PLPPR5: variants seen among roughly 807,000 people sequenced by gnomAD.
The protein encoded by PLPPR5 is phospholipid phosphatase-related protein type 5.
PLPPR5 carries 16 observed loss-of-function variants against 33.9 expected under a neutral mutation model. The observed-to-expected ratio is 0.47, with a 90% CI of 0.32 to 0.72. The LOEUF (loss-of-function observed/expected upper bound fraction) is 0.72. Among genes scored for constraint, PLPPR5 ranks in the 30% least tolerant of loss-of-function variants. PLPPR5 has a pLI of 0.03. For missense variants in PLPPR5, 301 were observed against 406.7 expected (o/e 0.74, Z 2.23); for synonymous variants, 163 against 150.3 (o/e 1.08, Z -0.62).
At chr1:98,999,523 G>A (rs1374558272) in intron 1 of PLPPR5, among the ~76,000 whole-genome samples, 2 of 152,178 alleles carry the variant, frequency 1.3e-5, no homozygotes, top group Non-Finnish European at 2.9e-5. Context: ...CATTTTGACT[G>A]AGGTTACATG....
At chr1:98,954,125 T>C (rs1349078531) in intron 2 of PLPPR5, among the ~76,000 whole-genome samples, 3 of 151,762 alleles carry the variant, frequency 2.0e-5, no homozygotes, top group Non-Finnish European at 4.4e-5. Context: ...GCTAAGGAAC[T>C]TGCCAATTTA....
intron 3 of PLPPR5, among the ~76,000 whole-genome samples, chr1:98,925,195 C>T (rs1649709111): frequency 6.6e-6 from 1 of 152,112 alleles, no homozygotes; most frequent in Non-Finnish European, 1.5e-5. Context: ...ATTATTTATG[C>T]TCTCTTGGTT....
chr1:98,951,539 G>T (rs777077594), intron 3 of PLPPR5, among the ~76,000 whole-genome samples: 4 of 152,090 alleles, frequency 2.6e-5, no homozygotes, highest in Non-Finnish European at 5.9e-5. Flanking sequence ...TTTCTGGATG[G>T]GATTTTTAAA....
At chr1:98,958,747 A>T (rs1241263355) in intron 1 of PLPPR5, among the ~76,000 whole-genome samples, 1 of 152,092 alleles carries the variant, frequency 6.6e-6, no homozygotes, top group African/African-American at 2.4e-5. Context: ...CTTGAAAGAG[A>T]TTACCATGAT....
chr1:98,898,840 C>T (rs1386163899), intron 5 of PLPPR5, among the ~76,000 whole-genome samples: 2 of 151,736 alleles, frequency 1.3e-5, no homozygotes, highest in African/African-American at 4.8e-5. Context: ...AGAAGTTTCC[C>T]TTTTTTTTAC....
chr1:98,919,859 A>C (rs1156360923), intron 4 of PLPPR5, among the ~76,000 whole-genome samples: 1 of 152,212 alleles, frequency 6.6e-6, no homozygotes, highest in Non-Finnish European at 1.5e-5. Flanking sequence ...TTCGCTGAAC[A>C]TGCACTATTT....
intron 1 of PLPPR5, among the ~76,000 whole-genome samples, chr1:98,984,117 G>A (rs1358279393): frequency 6.6e-6 from 1 of 151,920 alleles, no homozygotes; most frequent in Non-Finnish European, 1.5e-5. Context: ...TTGACTGGTG[G>A]GCTCAGTTCA....
At chr1:98,968,199 CA>C (rs568283024) in intron 1 of PLPPR5, among the ~76,000 whole-genome samples, 2 of 105,868 alleles carry the variant, frequency 1.9e-5, no homozygotes, top group Non-Finnish European at 4.3e-5. Context: ...TGAATACACT[CA>C]TGTTATATAC....
At chr1:98,900,434 T>G (rs1012238471) in intron 5 of PLPPR5, among the ~76,000 whole-genome samples, 3 of 152,146 alleles carry the variant, frequency 2.0e-5, no homozygotes, top group African/African-American at 7.2e-5. Flanking sequence ...CATCATCATC[T>G]TCTGTATATG....
rs1247519605 is a variant in PLPPR5 at position 99,001,671 on chromosome 1, G to GATAGATATATATATAT, written c.237+2763_237+2764insATATATATATATCTAT. 1.9e-3 allele frequency among the ~76,000 whole-genome samples: 196 copies of GATAGATATATATATAT among 102,140 alleles called. 2 individuals carry two copies. The highest frequency in any genetic ancestry group is 8.2e-3 in the East Asian group (22 of 2,686). 67.0% of individuals were successfully genotyped at this position (102,140 alleles called of 152,430 possible). ...ACTAGAAATGAGTTTGAAAGTTAAA[G>GATAGATATATATATAT]ATATATATATATATATATATATATA... On this transcript the variant is annotated intron_variant, in intron 1 of 5. Transcript: ENST00000263177.
intron 3 of PLPPR5, among the ~76,000 whole-genome samples, chr1:98,924,315 C>G (rs1649673564): frequency 6.6e-6 from 1 of 152,112 alleles, no homozygotes. Context: ...ATTGTGGTGG[C>G]ACTGTCGAGA....
intron 3 of PLPPR5, among the ~76,000 whole-genome samples, chr1:98,924,845 T>C (rs1649696582): frequency 6.6e-6 from 1 of 152,202 alleles, no homozygotes; most frequent in South Asian, 2.1e-4. Context: ...GCCTGGTATT[T>C]GGCTTTTCCC....
intron 3 of PLPPR5, among the ~76,000 whole-genome samples, chr1:98,931,637 A>G (rs1649970177): frequency 6.6e-6 from 1 of 152,096 alleles, no homozygotes; most frequent in African/African-American, 2.4e-5. Context: ...CTTCAAGAGC[A>G]TGCCTGAAGG....
At chr1:98,940,264 G>T (rs562555304) in intron 3 of PLPPR5, among the ~76,000 whole-genome samples, 30 of 151,930 alleles carry the variant, frequency 2.0e-4, no homozygotes, top group African/African-American at 7.0e-4. Flanking sequence ...TGCAGATGCT[G>T]CCCTCTTGCT....
chr1:98,990,079 T>C (rs953110358), intron 1 of PLPPR5, among the ~76,000 whole-genome samples: 1 of 152,136 alleles, frequency 6.6e-6, no homozygotes, highest in African/African-American at 2.4e-5. Flanking sequence ...AATATCACCC[T>C]TGATAAAGAA....
At chr1:98,921,449 T>G (rs1436132837) in intron 4 of PLPPR5, among the ~76,000 whole-genome samples, 1 of 152,178 alleles carries the variant, frequency 6.6e-6, no homozygotes, top group Non-Finnish European at 1.5e-5. Context: ...TACCCCAGCA[T>G]GCCAACTTCC....
At chr1:98,991,428 AT>A (rs1380058889) in intron 1 of PLPPR5, among the ~76,000 whole-genome samples, 1 of 152,210 alleles carries the variant, frequency 6.6e-6, no homozygotes, top group Non-Finnish European at 1.5e-5. Flanking sequence ...CATTTGCAAA[AT>A]AAGTACACTT....
At chr1:98,982,571 A>G (rs1652092439) in intron 1 of PLPPR5, among the ~76,000 whole-genome samples, 2 of 152,068 alleles carry the variant, frequency 1.3e-5, no homozygotes, top group African/African-American at 4.8e-5. Flanking sequence ...TTCTTTCCAT[A>G]AAACCAACCT....
intron 1 of PLPPR5, among the ~76,000 whole-genome samples, chr1:98,996,397 T>G (rs952247401): frequency 2.0e-5 from 3 of 151,940 alleles, no homozygotes; most frequent in Non-Finnish European, 4.4e-5. Flanking sequence ...AACTCTAGAG[T>G]CCTGTTTTTG....
Sources: gnomAD v4.1 joint callset for allele counts (sites outside exome capture counted in the v4.1 genomes callset) on GRCh38, gnomAD v4.1.1 for gene constraint, MANE v1.5 for transcripts, NCBI Gene and HGNC (gene_info 2026-07-23, HGNC 2026-07-21) for gene names.